FOXO3: variants seen among roughly 807,000 people sequenced by gnomAD.
The protein encoded by FOXO3 is forkhead box O3, also known as forkhead box protein O3.
In FOXO3, 4 loss-of-function variants were observed where a neutral mutation model predicts 41.9. That is an observed-to-expected ratio of 0.10 (90% CI 0.05 to 0.22). The LOEUF (loss-of-function observed/expected upper bound fraction) is 0.22. FOXO3 is among the 10% of genes least tolerant of loss of function. The probability of loss-of-function intolerance (pLI) is 1.00; values close to 1 mark genes in which losing one functional copy is unlikely to be tolerated. For synonymous variants in FOXO3, 318 were observed against 389.3 expected (o/e 0.82, Z 2.16); for missense variants, 534 against 906.8 (o/e 0.59, Z 5.28).
At chr6:108,581,466 T>A (rs1225520338) in intron 1 of FOXO3, among the ~76,000 whole-genome samples, 6 of 152,156 alleles carry the variant, frequency 3.9e-5, no homozygotes, top group Non-Finnish European at 8.8e-5. Flanking sequence ...CAAAGAACAT[T>A]ATCAAACAAC....
intron 1 of FOXO3, among the ~76,000 whole-genome samples, chr6:108,612,698 A>T (rs1271672763): frequency 1.3e-5 from 2 of 152,128 alleles, no homozygotes; most frequent in Admixed American, 6.5e-5. Flanking sequence ...AAATAAAAAA[A>T]AAATTTTTTT....
In FOXO3 at chr6:108,682,724, C is replaced by T. The variant is rs560705004; in HGVS notation, c.*2932C>T. 6.6e-6 allele frequency: 1 copy of T among 152,348 alleles called. No homozygotes were observed. Among genetic ancestry groups the T allele is most frequent in the East Asian group, 1.9e-4 (1 of 5,184 alleles). The allele number at this position is 152,348 out of a possible 1,614,324, so 9.4% of individuals were successfully genotyped here. The stretch of plus-strand genomic sequence containing the variant: ...CACATTCTGAGTGAGTGTCACAGGT[C>T]CCTAACAATAATTTTCTGATCTGGA... On this transcript the variant is annotated 3_prime_UTR_variant, in exon 3 of 3. Transcript: ENST00000406360.
intron 1 of FOXO3, among the ~76,000 whole-genome samples, chr6:108,655,382 T>C (rs73763156): frequency 0.012 from 1,796 of 152,328 alleles, 28 homozygotes; most frequent in African/African-American, 0.042. Context: ...TGATGGAAAC[T>C]TGGACTTAAA....
chr6:108,669,825 GC>G (rs1779163788), intron 2 of FOXO3, among the ~76,000 whole-genome samples: 1 of 152,168 alleles, frequency 6.6e-6, no homozygotes, highest in Admixed American at 6.5e-5. Context: ...CCTCTGGCCA[GC>G]CTGCTAAGCA....
At chr6:108,608,222 ATC>A (rs1209240381) in intron 1 of FOXO3, among the ~76,000 whole-genome samples, 1 of 152,228 alleles carries the variant, frequency 6.6e-6, no homozygotes, top group East Asian at 1.9e-4. Context: ...TATACTCAGA[ATC>A]ATCTTTAGAA....
rs79497198 is a variant in FOXO3, at chr6:108,580,731, G to A, written c.621+18902G>A. The stretch of plus-strand genomic sequence containing the variant: ...TTTGGTTTAAAAGAAGAGAAAGGGA[G>A]TTTGCATGATCCGTTAGAATTGTAG... On this transcript the variant is annotated intron_variant, in intron 1 of 2. Coordinates refer to ENST00000406360, the MANE Select transcript of FOXO3 (RefSeq NM_001455.4). 2.1e-3 allele frequency among the ~76,000 whole-genome samples: 321 copies of A among 152,328 alleles called. 1 individual carries two copies. Among genetic ancestry groups the A allele is most frequent in the African/African-American group, 7.3e-3 (304 of 41,578 alleles).
intron 1 of FOXO3, among the ~76,000 whole-genome samples, chr6:108,650,922 AT>A (rs1300791188): frequency 6.6e-6 from 1 of 152,150 alleles, no homozygotes; most frequent in Non-Finnish European, 1.5e-5. Context: ...CTTGGTCAGC[AT>A]TTCATAATAC....
At chr6:108,616,327 G>T (rs1777513719) in intron 1 of FOXO3, among the ~76,000 whole-genome samples, 1 of 151,860 alleles carries the variant, frequency 6.6e-6, no homozygotes, top group Non-Finnish European at 1.5e-5. Context: ...ACCACGCCTG[G>T]CTAATTTTTT....
In FOXO3 at chr6:108,663,954, G is replaced by T; in HGVS notation, c.1121G>T (p.Gly374Val). The change falls in exon 2 of 3, where the codon GGC becomes GTC. Residue 374 changes from glycine (G) to valine (V), a missense_variant. Physicochemically the swap from Gly to Val is moderately radical, Grantham distance 109 (BLOSUM62 -3). Coordinates refer to ENST00000406360, the MANE Select transcript of FOXO3 (RefSeq NM_001455.4). ...VELPRLTDMAGTMNLNDGLTE... is the reference protein window; with the variant it reads ...VELPRLTDMAVTMNLNDGLTE... Reference sequence around the variant, plus strand: ...CTGCCACGGCTGACTGATATGGCAGGCACCATGAATCTGAATGATGGGCTG... The same window carrying T: ...CTGCCACGGCTGACTGATATGGCAGTCACCATGAATCTGAATGATGGGCTG... 3 of 1,614,190 alleles carry T rather than the reference G, an allele frequency of 1.9e-6. No individual in the cohort carries two copies. The highest frequency in any genetic ancestry group is 1.7e-6 in the Non-Finnish European group (2 of 1,180,036).
At chr6:108,625,037 C>T (rs1442697528) in intron 1 of FOXO3, among the ~76,000 whole-genome samples, 3 of 152,136 alleles carry the variant, frequency 2.0e-5, no homozygotes, top group Non-Finnish European at 4.4e-5. Flanking sequence ...TTGTCTCAGC[C>T]TCCCAAGCAG....
chr6:108,593,716 T>C (rs1345833926), intron 1 of FOXO3, among the ~76,000 whole-genome samples: 8 of 134,000 alleles, frequency 6.0e-5, no homozygotes, highest in African/African-American at 2.0e-4. Context: ...CTTCTTCTTT[T>C]TTTTTTTTTT....
At chr6:108,651,438 G>C (rs981091499) in intron 1 of FOXO3, among the ~76,000 whole-genome samples, 1 of 152,132 alleles carries the variant, frequency 6.6e-6, no homozygotes, top group African/African-American at 2.4e-5. Context: ...CCTGTGCGTA[G>C]CTGTGTGACT....
At chr6:108,592,763 G>A (rs948501815) in intron 1 of FOXO3, among the ~76,000 whole-genome samples, 1 of 152,104 alleles carries the variant, frequency 6.6e-6, no homozygotes, top group African/African-American at 2.4e-5. Context: ...GCATTTGTCG[G>A]CCACAGCTGT....
chr6:108,663,886 A>T lies in FOXO3; in HGVS notation c.1053A>T (p.Ser351=). Reference sequence around the variant, plus strand: ...TCTCGCCCATGCTCTACAGCAGCTCAGCCAGCCTGTCACCTTCAGTAAGCA... The same window carrying T: ...TCTCGCCCATGCTCTACAGCAGCTCTGCCAGCCTGTCACCTTCAGTAAGCA... The part of the protein sequence containing the change: ...APLSPMLYSS[S]ASLSPSVSKP... Residue 351 remains serine (S), a synonymous_variant, in exon 2 of 3, where the codon TCA becomes TCT. Coordinates refer to ENST00000406360, the MANE Select transcript of FOXO3 (RefSeq NM_001455.4). 2 of 1,614,202 alleles carry T rather than the reference A, an allele frequency of 1.2e-6. No individual in the cohort carries two copies. The highest frequency in any genetic ancestry group is 1.7e-6 in the Non-Finnish European group (2 of 1,180,006).
chr6:108,660,718 A>G (rs1363203364), intron 1 of FOXO3, among the ~76,000 whole-genome samples: 1 of 151,790 alleles, frequency 6.6e-6, no homozygotes, highest in East Asian at 1.9e-4. Flanking sequence ...TTAAAATACA[A>G]AAATTAGGCC....
Position 108,560,954 on chromosome 6 carries a change from C to T in FOXO3, c.-255C>T, listed in dbSNP as rs1775763853. 7.6e-7 allele frequency: 1 copy of T among 1,319,164 alleles called. No individual in the cohort carries two copies. Among genetic ancestry groups the T allele is most frequent in the Non-Finnish European group, 9.6e-7 (1 of 1,040,642 alleles). The allele number at this position is 1,319,164 out of a possible 1,614,324, so 81.7% of individuals were successfully genotyped here. On this transcript the variant is annotated 5_prime_UTR_variant, in exon 1 of 3. Transcript: ENST00000406360. ...GCCAGGTTCGCTGGCCGCACGTCTT[C>T]AGGTCCTCCTGTTCCTGGGAGGCGG... is the stretch of plus-strand genomic sequence containing the variant.
At position 108,645,088 on chromosome 6, in the gene FOXO3, T is replaced by C. The variant is rs571737083; in HGVS notation, c.622-18367T>C. 5.3e-5 allele frequency among the ~76,000 whole-genome samples: 8 copies of C among 152,344 alleles called. No individual in the cohort carries two copies. In the South Asian group the frequency reaches 1.2e-3, roughly 24 times the overall value. On this transcript the variant is annotated intron_variant, in intron 1 of 2. Coordinates refer to ENST00000406360, the MANE Select transcript of FOXO3 (RefSeq NM_001455.4). Reference sequence around the variant, plus strand: ...CCACTCTGGCCCTGATGTTATATGATATTAAATGTTAATAAAAATAACTTT... The same window carrying C: ...CCACTCTGGCCCTGATGTTATATGACATTAAATGTTAATAAAAATAACTTT...
rs1169468021 is a variant in FOXO3 at position 108,561,618 on chromosome 6, A to C, written c.410A>C (p.Gln137Pro). The C allele has an allele frequency of 6.5e-7, 1 of 1,545,854 alleles. No individual in the cohort carries two copies. The highest frequency in any genetic ancestry group is 8.7e-7 in the Non-Finnish European group (1 of 1,146,072). ...LQPQQPLPPPQPGAAGGSGQP... is the reference protein window; with the variant it reads ...LQPQQPLPPPPPGAAGGSGQP... ...CCTCAGCAACCGCTGCCACCGCCGC[A>C]GCCGGGGGCGGCTGGGGGCTCCGGG... Residue 137 changes from glutamine to proline, a missense_variant, in exon 1 of 3, where the codon CAG (glutamine) becomes CCG (proline). Gln to Pro is a moderately conservative substitution (Grantham distance 76). Around this residue, in one of 8 missense-constraint regions of FOXO3, gnomAD observed 139 missense variants for 163.7 expected, o/e 0.85. Coordinates refer to ENST00000406360, the MANE Select transcript of FOXO3 (RefSeq NM_001455.4).
At chr6:108,649,312 A>G (rs533100866) in intron 1 of FOXO3, among the ~76,000 whole-genome samples, 30 of 152,222 alleles carry the variant, frequency 2.0e-4, no homozygotes, top group Non-Finnish European at 3.1e-4. Flanking sequence ...GGGAGACACT[A>G]TGACTACCTT....
Sources: gnomAD v4.1 joint callset for allele counts (sites outside exome capture counted in the v4.1 genomes callset) on GRCh38, gnomAD v4.1.1 for gene constraint, gnomAD v4.1.1 regional missense constraint, MANE v1.5 for transcripts, NCBI Gene and HGNC (gene_info 2026-07-23, HGNC 2026-07-21) for gene names.